The following STAC variants were observed in gnomAD, a reference collection of about 807,000 sequenced individuals.
STAC encodes SH3 and cysteine rich domain.
A neutral mutation model predicts 48.8 loss-of-function variants in STAC; 43 were observed. The ratio of observed to expected loss-of-function variants is 0.88; its 90% CI spans 0.69 to 1.14. The LOEUF (loss-of-function observed/expected upper bound fraction) is 1.14. STAC is among the 50% of genes most tolerant of loss of function. STAC has a pLI of 0.00. For synonymous variants in STAC, 193 were observed against 179.5 expected, an observed-to-expected ratio of 1.07 and a Z score of -0.60; for missense variants, 497 against 504.0, an observed-to-expected ratio of 0.99 and a Z score of 0.13.
At chr3:36,504,049 C>CG (rs1161970642) in intron 6 of STAC, among the ~76,000 whole-genome samples, 1 of 152,132 alleles carries the variant, frequency 6.6e-6, no homozygotes, top group African/African-American at 2.4e-5. Flanking sequence ...CATTAACAAG[C>CG]GGTTTGATGC....
intron 6 of STAC, among the ~76,000 whole-genome samples, chr3:36,493,604 G>A (rs1301185097): frequency 6.6e-6 from 1 of 151,778 alleles, no homozygotes; most frequent in African/African-American, 2.4e-5. Flanking sequence ...CCGTACCACA[G>A]AGAAGCTAAT....
At chr3:36,493,647 G>A (rs1451820708) in intron 6 of STAC, among the ~76,000 whole-genome samples, 3 of 152,006 alleles carry the variant, frequency 2.0e-5, no homozygotes, top group Non-Finnish European at 4.4e-5. Flanking sequence ...GAAACCAAGT[G>A]GTGGTGGGGC....
intron 5 of STAC, among the ~76,000 whole-genome samples, chr3:36,487,039 A>G (rs1429703491): frequency 6.6e-6 from 1 of 152,198 alleles, no homozygotes; most frequent in Non-Finnish European, 1.5e-5. Context: ...TAGGCAAGAC[A>G]CAGATGAGCC....
intron 8 of STAC, among the ~76,000 whole-genome samples, chr3:36,515,219 T>C (rs932602409): frequency 6.6e-6 from 1 of 152,070 alleles, no homozygotes; most frequent in South Asian, 2.1e-4. Flanking sequence ...TGTGGTTCCA[T>C]TCACAAATAA....
Position 36,486,131 on chromosome 3 carries a change from C to A in STAC, c.572-3C>A. On this transcript the variant is annotated splice_region_variant and splice_polypyrimidine_tract_variant and intron_variant, in intron 4 of 10. Transcript: ENST00000273183. ...CTCAGATGAACTTTCTCTTCTGTTG[C>A]AGCCTGTGGCAATAAGGTGGACCCT... is the stretch of plus-strand genomic sequence containing the variant. 6.2e-7 allele frequency: 1 copy of A among 1,610,618 alleles called. No homozygotes were observed. Among genetic ancestry groups the A allele is most frequent in the Non-Finnish European group, 8.5e-7 (1 of 1,177,798 alleles).
At chr3:36,434,547 G>A (rs987459268) in intron 1 of STAC, among the ~76,000 whole-genome samples, 9 of 152,324 alleles carry the variant, frequency 5.9e-5, no homozygotes, top group African/African-American at 2.2e-4. Context: ...GGAAATGTCT[G>A]TATAGTGGCA....
At chr3:36,397,829 T>C (rs1216670500) in intron 1 of STAC, among the ~76,000 whole-genome samples, 1 of 152,204 alleles carries the variant, frequency 6.6e-6, no homozygotes, top group African/African-American at 2.4e-5. Context: ...GTTATTTCTT[T>C]GTTCGTTCTT....
At chr3:36,490,045 A>C (rs1388049075) in intron 5 of STAC, among the ~76,000 whole-genome samples, 2 of 152,206 alleles carry the variant, frequency 1.3e-5, no homozygotes, top group African/African-American at 4.8e-5. Context: ...ATGCACATTA[A>C]AGTTGGAGAA....
At chr3:36,398,316 A>AAAGC (rs58878974) in intron 1 of STAC, among the ~76,000 whole-genome samples, 50 of 100,358 alleles carry the variant, frequency 5.0e-4, no homozygotes, top group South Asian at 2.4e-3. Context: ...AGAAAGAAAG[A>AAAGC]AAGCAAGAAA....
intron 1 of STAC, chr3:36,409,466 T>G (rs561216826): frequency 2.6e-5 from 4 of 152,358 alleles, no homozygotes; most frequent in Admixed American, 6.5e-5. Context: ...CTTGTTTTCG[T>G]TGTTGTTTTA....
chr3:36,380,665 C>T lies in STAC; in HGVS notation c.22C>T (p.Arg8Cys). The change falls in exon 1 of 11, where the codon CGC becomes TGC. Residue 8 changes from arginine to cysteine, a missense_variant. Physicochemically the swap from Arg to Cys is radical, Grantham distance 180. Transcript: ENST00000273183. MIPPSSPREDGVDGLPKE... is the reference protein window; with the variant it reads MIPPSSPCEDGVDGLPKE... ...CACGATGATCCCTCCGAGCAGCCCCCGCGAGGACGGCGTGGACGGGCTGCC... is the reference window on the plus strand; with the variant it reads ...CACGATGATCCCTCCGAGCAGCCCCTGCGAGGACGGCGTGGACGGGCTGCC... 1.2e-6 allele frequency: 2 copies of T among 1,601,282 alleles called. No homozygotes were observed. Among genetic ancestry groups the T allele is most frequent in the African/African-American group, 2.7e-5 (2 of 74,830 alleles).
intron 8 of STAC, among the ~76,000 whole-genome samples, chr3:36,506,610 T>C (rs746608949): frequency 4.6e-5 from 7 of 152,056 alleles, no homozygotes; most frequent in Non-Finnish European, 8.8e-5. Context: ...TCCTTGAGCA[T>C]TGGTTTGTAG....
chr3:36,435,215 C>G (rs1700803718), intron 1 of STAC, among the ~76,000 whole-genome samples: 1 of 152,110 alleles, frequency 6.6e-6, no homozygotes. Context: ...TTCCACATCT[C>G]CCTCTTTCAA....
intron 1 of STAC, among the ~76,000 whole-genome samples, chr3:36,409,252 G>T (rs73059924): frequency 0.023 from 3,533 of 152,224 alleles, 61 homozygotes; most frequent in East Asian, 0.026. Context: ...CTTGAGAGAA[G>T]CTGTTAATGA....
chr3:36,462,548 A>T (rs1240325780), intron 2 of STAC, among the ~76,000 whole-genome samples: 1 of 152,136 alleles, frequency 6.6e-6, no homozygotes, highest in African/African-American at 2.4e-5. Flanking sequence ...CCAATGTTAA[A>T]AAGTTGGGTA....
chr3:36,418,653 T>C (rs1700373192), intron 1 of STAC, among the ~76,000 whole-genome samples: 1 of 150,452 alleles, frequency 6.6e-6, no homozygotes, highest in South Asian at 2.1e-4. Context: ...TGTTCATATA[T>C]TTTATACTTT....
In STAC at chr3:36,448,179, T is replaced by C. The variant is rs1454441375; in HGVS notation, c.388+4539T>C. ...CAGAATTTTATTTTATTTTATTTTA[T>C]TTTATTTTACTTTATTTTACTTTAT... is the stretch of plus-strand genomic sequence containing the variant. On this transcript the variant is annotated intron_variant, in intron 2 of 10. Transcript: ENST00000273183. Among the ~76,000 whole-genome samples the C allele has an allele frequency of 1.8e-4, 27 of 150,972 alleles. No homozygotes were observed. The East Asian group carries it at 3.5e-3, about 20-fold the overall frequency.
chr3:36,532,520 G>T (rs572299418), intron 10 of STAC, among the ~76,000 whole-genome samples: 1 of 152,262 alleles, frequency 6.6e-6, no homozygotes, highest in Non-Finnish European at 1.5e-5. Context: ...TCCCCCTGGG[G>T]CTGTTATTTG....
chr3:36,399,213 A>T (rs1273742529), intron 1 of STAC, among the ~76,000 whole-genome samples: 2 of 152,202 alleles, frequency 1.3e-5, no homozygotes, highest in Non-Finnish European at 1.5e-5. Context: ...TGCCTGCCAA[A>T]GCCACTGGGA....
Sources: gnomAD v4.1 joint callset for allele counts (sites outside exome capture counted in the v4.1 genomes callset) on GRCh38, gnomAD v4.1.1 for gene constraint, MANE v1.5 for transcripts, NCBI Gene and HGNC (gene_info 2026-07-23, HGNC 2026-07-21) for gene names.